Variants in CFAP20DC observed in about 807,000 individuals in gnomAD.
The protein encoded by CFAP20DC is CFAP20 domain containing.
A neutral mutation model predicts 101.7 loss-of-function variants in CFAP20DC; 84 were observed. The observed-to-expected ratio is 0.83, with a 90% CI of 0.69 to 0.99. CFAP20DC has a LOEUF of 0.99. CFAP20DC is among the 50% of genes least tolerant of loss of function. The pLI, the probability that CFAP20DC is intolerant of heterozygous loss-of-function variation, is 0.00. For synonymous variants in CFAP20DC, 359 were observed against 351.2 expected, an observed-to-expected ratio of 1.02 and a Z score of -0.25; for missense variants, 1,007 against 970.3, an observed-to-expected ratio of 1.04 and a Z score of -0.50.
At position 58,882,017 on chromosome 3, in the gene CFAP20DC, T is replaced by A. The variant is rs960139687; in HGVS notation, c.715+2528A>T. ...CAGAAAGAGAACCACAAAGTGCAAT[T>A]TATGTTTGTGTAATCTTAGCTGGCA... On this transcript the variant is annotated intron_variant, in intron 7 of 16. Transcript: ENST00000482387. This position sits in a 1 kb window ranked among gnomAD's most constrained non-coding sequence, Gnocchi z 4.2. Among the ~76,000 whole-genome samples the A allele has an allele frequency of 7.2e-5, 11 of 152,116 alleles. No homozygotes were observed. The highest frequency in any genetic ancestry group is 1.5e-5 in the Non-Finnish European group (1 of 67,992).
chr3:58,975,516 CACTT>C (rs2092225892), intron 4 of CFAP20DC, among the ~76,000 whole-genome samples: 1 of 152,168 alleles, frequency 6.6e-6, no homozygotes, highest in East Asian at 1.9e-4. Flanking sequence ...GAAGAAAATG[CACTT>C]ACTCTTTATT....
rs528915583 is a variant in CFAP20DC at position 58,788,967 on chromosome 3, T to G, written c.2237+17428A>C. Among the ~76,000 whole-genome samples, 1 of 152,282 alleles carries G rather than the reference T, an allele frequency of 6.6e-6. No homozygotes were observed. The highest frequency in any genetic ancestry group is 2.4e-5 in the African/African-American group (1 of 41,556). On this transcript the variant is annotated intron_variant, in intron 15 of 16. Transcript: ENST00000482387. This position sits in a 1 kb window ranked among gnomAD's most constrained non-coding sequence, Gnocchi z 4.2. Reference sequence around the variant, plus strand: ...GTTGGAAAAAATCTGTGTCATAATTTGTAAGGGAACCCATATAGTTCAAAC... The same window carrying G: ...GTTGGAAAAAATCTGTGTCATAATTGGTAAGGGAACCCATATAGTTCAAAC...
chr3:58,947,004 G>A (rs1305736698), intron 4 of CFAP20DC, among the ~76,000 whole-genome samples: 1 of 152,128 alleles, frequency 6.6e-6, no homozygotes, highest in Non-Finnish European at 1.5e-5. Context: ...TAAGCAACTT[G>A]TTCAAGGTCT....
At chr3:58,960,727 G>A (rs2091063395) in intron 4 of CFAP20DC, among the ~76,000 whole-genome samples, 1 of 152,016 alleles carries the variant, frequency 6.6e-6, no homozygotes, top group Non-Finnish European at 1.5e-5. Context: ...ATTAAAGACA[G>A]CTTTCCTTTT....
chr3:58,750,676 C>G (rs765275074), intron 16 of CFAP20DC, among the ~76,000 whole-genome samples: 1 of 152,158 alleles, frequency 6.6e-6, no homozygotes, highest in Non-Finnish European at 1.5e-5. Flanking sequence ...TCATTTACCT[C>G]TTTAGGCAAA....
At chr3:58,919,700 A>G (rs1165316029) in intron 5 of CFAP20DC, among the ~76,000 whole-genome samples, 2 of 152,222 alleles carry the variant, frequency 1.3e-5, no homozygotes, top group Admixed American at 1.3e-4. Context: ...ACAGTTTTCA[A>G]TGTAAACATC....
chr3:59,049,588 G>A, intron 1 of CFAP20DC, 23 bp downstream of exon 1: 1 of 1,535,142 alleles, frequency 6.5e-7, no homozygotes, highest in Non-Finnish European at 8.7e-7. Context: ...GTATAGACAG[G>A]TTGGAGAACC....
chr3:58,960,971 T>C (rs901365054), intron 4 of CFAP20DC, among the ~76,000 whole-genome samples: 5 of 152,216 alleles, frequency 3.3e-5, no homozygotes, highest in Admixed American at 6.5e-5. Flanking sequence ...GATTTTGTTA[T>C]ATGCTTTATC....
At chr3:58,928,949 G>A (rs1458076458) in intron 5 of CFAP20DC, among the ~76,000 whole-genome samples, 1 of 151,972 alleles carries the variant, frequency 6.6e-6, no homozygotes, top group African/African-American at 2.4e-5. Context: ...TGAGCCACTT[G>A]CCCAGGGGTA....
chr3:59,012,789 T>G (rs889307880), intron 4 of CFAP20DC, among the ~76,000 whole-genome samples: 3 of 152,092 alleles, frequency 2.0e-5, no homozygotes, highest in Non-Finnish European at 2.9e-5. Context: ...GAAATAAGAC[T>G]TGAGAGATGA....
intron 5 of CFAP20DC, among the ~76,000 whole-genome samples, chr3:58,924,218 C>A (rs1246989046): frequency 1.3e-5 from 2 of 152,066 alleles, no homozygotes; most frequent in African/African-American, 4.8e-5. Flanking sequence ...ATTTTTCAAC[C>A]ATTACCCCGC....
intron 5 of CFAP20DC, among the ~76,000 whole-genome samples, chr3:58,932,048 C>G (rs1222860204): frequency 6.6e-6 from 1 of 152,146 alleles, no homozygotes; most frequent in Non-Finnish European, 1.5e-5. Context: ...GAATGTATAA[C>G]TAGAATAACC....
chr3:58,969,094 G>A (rs891805162), intron 4 of CFAP20DC, among the ~76,000 whole-genome samples: 2 of 152,048 alleles, frequency 1.3e-5, no homozygotes, highest in Admixed American at 6.6e-5. Flanking sequence ...AGTACCATGC[G>A]TTTTGGTTAC....
chr3:58,918,270 T>C (rs1302311714), intron 5 of CFAP20DC, among the ~76,000 whole-genome samples: 1 of 152,194 alleles, frequency 6.6e-6, no homozygotes, highest in Admixed American at 6.5e-5. Flanking sequence ...TGTACGTTTC[T>C]GACTTGGAAT....
At chr3:58,780,526 T>A (rs2071733994) in intron 15 of CFAP20DC, among the ~76,000 whole-genome samples, 1 of 151,712 alleles carries the variant, frequency 6.6e-6, no homozygotes, top group Non-Finnish European at 1.5e-5. Context: ...AAGATCCAAG[T>A]ATATGCTGCC....
intron 4 of CFAP20DC, among the ~76,000 whole-genome samples, chr3:58,944,875 A>C (rs113084535): frequency 3.3e-5 from 5 of 152,292 alleles, no homozygotes; most frequent in African/African-American, 1.2e-4. Context: ...AAACTACTGA[A>C]ATGTGTTAAT....
At position 58,854,423 on chromosome 3, in the gene CFAP20DC, C is replaced by T. The variant is rs550512165; in HGVS notation, c.1594-5014G>A. Among the ~76,000 whole-genome samples the T allele has an allele frequency of 7.5e-3, 1,130 of 151,042 alleles. 11 individuals are homozygous for T. Among genetic ancestry groups the T allele is most frequent in the African/African-American group, 0.026 (1,056 of 40,988 alleles). On this transcript the variant is annotated intron_variant, in intron 12 of 16. Transcript: ENST00000482387. ...TGGCCATACTGCCCAAGGTAATTTACAGATTCAATGCCATCCCCATCAAGC... is the reference window on the plus strand; with the variant it reads ...TGGCCATACTGCCCAAGGTAATTTATAGATTCAATGCCATCCCCATCAAGC...
At chr3:58,900,578 A>C (rs2083061155) in intron 6 of CFAP20DC, among the ~76,000 whole-genome samples, 1 of 152,244 alleles carries the variant, frequency 6.6e-6, no homozygotes, top group Non-Finnish European at 1.5e-5. Flanking sequence ...CATCTAGATA[A>C]GGACATAGCT....
At chr3:58,803,558 A>C (rs973113248) in intron 15 of CFAP20DC, among the ~76,000 whole-genome samples, 5 of 152,210 alleles carry the variant, frequency 3.3e-5, no homozygotes, top group African/African-American at 1.2e-4. Flanking sequence ...TATATGCGTT[A>C]CATGATTCAA....
Sources: allele counts gnomAD v4.1 joint callset (sites outside exome capture counted in the v4.1 genomes callset), GRCh38; gene constraint gnomAD v4.1.1; non-coding constraint Gnocchi (gnomAD v3.1); transcripts MANE v1.5; gene names NCBI Gene and HGNC (gene_info 2026-07-23, HGNC 2026-07-21).